The following SNX29 variants were observed in gnomAD, a reference collection of about 807,000 sequenced individuals.
The protein encoded by SNX29 is sorting nexin 29, also known as sorting nexin-29.
A neutral mutation model predicts 102.1 loss-of-function variants in SNX29; 78 were observed. The observed-to-expected ratio is 0.76, with a 90% CI of 0.64 to 0.92. The LOEUF (loss-of-function observed/expected upper bound fraction) is 0.92, where lower values mean the gene tolerates loss of function less well. Among genes scored for constraint, SNX29 ranks in the 40% least tolerant of loss-of-function variants. The probability of loss-of-function intolerance (pLI) is 0.00; values close to 1 mark genes in which losing one functional copy is unlikely to be tolerated. For missense variants in SNX29, 1,280 were observed against 1,061.7 expected (o/e 1.21, Z -2.86); for synonymous variants, 580 against 414.5 (o/e 1.40, Z -4.85).
intron 10 of SNX29, among the ~76,000 whole-genome samples, chr16:12,070,403 T>C (rs1281140630): frequency 2.0e-5 from 3 of 146,872 alleles, no homozygotes; most frequent in African/African-American, 5.0e-5. Flanking sequence ...GTTCAATTCC[T>C]ATCTATGAGT....
At chr16:12,132,435 G>A (rs138113815) in intron 13 of SNX29, among the ~76,000 whole-genome samples, 57 of 152,250 alleles carry the variant, frequency 3.7e-4, no homozygotes, top group Admixed American at 1.0e-3. Context: ...AGCAGTCAGC[G>A]TAGTCTTGAG....
At chr16:12,316,588 G>C (rs935748195) in intron 15 of SNX29, among the ~76,000 whole-genome samples, 2 of 152,122 alleles carry the variant, frequency 1.3e-5, no homozygotes, top group African/African-American at 4.8e-5. Flanking sequence ...TCGGGATCTT[G>C]CTCTCTCTCA....
Position 12,572,631 on chromosome 16 carries a change from C to G in SNX29, c.*4002C>G. 1.9e-6 allele frequency: 2 copies of G among 1,063,960 alleles called. No homozygotes were observed. The highest frequency in any genetic ancestry group is 2.3e-6 in the Non-Finnish European group (2 of 878,404). 65.9% of individuals were successfully genotyped at this position (1,063,960 alleles called of 1,614,324 possible). On this transcript the variant is annotated 3_prime_UTR_variant, in exon 21 of 21. Transcript: ENST00000566228. ...CCTCCGGCTACCCCCAGAATCCATC[C>G]TTCATTCCTCCACCAAGCTCCTGTG...
rs1057086001 is a variant in SNX29, at chr16:12,535,791, G to C, written c.2318+10950G>C. Among the ~76,000 whole-genome samples the C allele has an allele frequency of 4.0e-5, 6 of 151,870 alleles. No individual in the cohort carries two copies. The South Asian group carries it at 1.2e-3, about 31-fold the overall frequency. On this transcript the variant is annotated intron_variant, in intron 20 of 20. Coordinates refer to ENST00000566228, the MANE Select transcript of SNX29 (RefSeq NM_032167.5). ...CTCTGGAGGTCCTCAGAGTATAGAG[G>C]CCGCAGCCACTGTGTAAGCCTTGCC...
intron 19 of SNX29, among the ~76,000 whole-genome samples, chr16:12,496,909 A>G (rs1252202716): frequency 6.6e-6 from 1 of 152,062 alleles, no homozygotes; most frequent in East Asian, 1.9e-4. Context: ...GCAAAGCTGC[A>G]GAAGCATGGG....
chr16:12,016,304 T>A (rs2056847534), intron 3 of SNX29, among the ~76,000 whole-genome samples: 1 of 152,260 alleles, frequency 6.6e-6, no homozygotes, highest in Admixed American at 6.5e-5. Context: ...CATCATTTTT[T>A]TTTTAATATA....
intron 15 of SNX29, among the ~76,000 whole-genome samples, chr16:12,342,768 C>T (rs568678713): frequency 6.6e-6 from 1 of 152,314 alleles, no homozygotes; most frequent in East Asian, 1.9e-4. Flanking sequence ...CAGACTGGGA[C>T]AGAATCCTGG....
chr16:12,088,146 A>G (rs1454799164), intron 11 of SNX29: 3 of 456,454 alleles, frequency 6.6e-6, no homozygotes, highest in Non-Finnish European at 1.3e-5. Flanking sequence ...CAGTCTCTGC[A>G]GCAGGCCTCA....
intron 14 of SNX29, among the ~76,000 whole-genome samples, chr16:12,276,302 G>A (rs1800892815): frequency 6.6e-6 from 1 of 152,104 alleles, no homozygotes; most frequent in Non-Finnish European, 1.5e-5. Flanking sequence ...AACTGTTTGG[G>A]GTTATCTGTT....
intron 4 of SNX29, among the ~76,000 whole-genome samples, chr16:12,034,942 C>T (rs1430858774): frequency 6.6e-6 from 1 of 151,748 alleles, no homozygotes; most frequent in Non-Finnish European, 1.5e-5. Flanking sequence ...ATCCAGGAGG[C>T]GGAGGATTCA....
chr16:12,358,978 T>C (rs1803654592), intron 16 of SNX29, among the ~76,000 whole-genome samples: 1 of 152,226 alleles, frequency 6.6e-6, no homozygotes. Context: ...AGAAAATGTG[T>C]TTCTCTGAGT....
chr16:12,117,786 T>C (rs1464327763), intron 11 of SNX29, among the ~76,000 whole-genome samples: 2 of 152,172 alleles, frequency 1.3e-5, no homozygotes, highest in African/African-American at 2.4e-5. Context: ...CGTACCTCAG[T>C]ACATGATTTT....
At chr16:12,554,343 G>A (rs1286005751) in intron 20 of SNX29, among the ~76,000 whole-genome samples, 1 of 150,738 alleles carries the variant, frequency 6.6e-6, no homozygotes, top group African/African-American at 2.5e-5. Flanking sequence ...CTTTTGTTCT[G>A]TAGCTTTTCC....
Position 12,562,936 on chromosome 16 carries a change from A to G in SNX29, c.2319-5570A>G, listed in dbSNP as rs1008585210. Among the ~76,000 whole-genome samples the G allele has an allele frequency of 8.5e-5, 13 of 152,296 alleles. No individual in the cohort carries two copies. In the South Asian group the frequency reaches 1.0e-3, roughly 12 times the overall value. On this transcript the variant is annotated intron_variant, in intron 20 of 20. Coordinates refer to ENST00000566228, the MANE Select transcript of SNX29 (RefSeq NM_032167.5). Reference sequence around the variant, plus strand: ...TTCGTCCATGTTGCCAAAAACCTGCATAGTAAGAAGCAAACATTCACCCAA... The same window carrying G: ...TTCGTCCATGTTGCCAAAAACCTGCGTAGTAAGAAGCAAACATTCACCCAA...
At chr16:12,219,753 G>A in intron 14 of SNX29, among the ~76,000 whole-genome samples, 1 of 152,226 alleles carries the variant, frequency 6.6e-6, no homozygotes, top group East Asian at 1.9e-4. Flanking sequence ...ATTGTCCTGT[G>A]GTTTTTGTGT....
chr16:12,547,542 G>C (rs1041084848), intron 20 of SNX29, among the ~76,000 whole-genome samples: 1 of 152,126 alleles, frequency 6.6e-6, no homozygotes, highest in Non-Finnish European at 1.5e-5. Flanking sequence ...TGGAAGAACA[G>C]AGTCCTGAGC....
At position 12,392,325 on chromosome 16, in the gene SNX29, T is replaced by C. The variant is rs78043576; in HGVS notation, c.1900-6121T>C. ...CAACAAATGTCTTTGTATCCTTGTC[T>C]CTGTGCTTATGTTGTCCATCACTCT... On this transcript the variant is annotated intron_variant, in intron 16 of 20. Coordinates refer to ENST00000566228, the MANE Select transcript of SNX29 (RefSeq NM_032167.5). Among the ~76,000 whole-genome samples the C allele has an allele frequency of 9.8e-3, 1,496 of 152,352 alleles. 25 individuals are homozygous for C. The highest frequency in any genetic ancestry group is 0.034 in the African/African-American group (1,408 of 41,576).
chr16:12,525,364 A>G (rs2076751044), intron 20 of SNX29, among the ~76,000 whole-genome samples: 1 of 152,130 alleles, frequency 6.6e-6, no homozygotes, highest in African/African-American at 2.4e-5. Flanking sequence ...TTTACATATT[A>G]TGCACTTAGA....
At chr16:12,448,176 A>G (rs1048847548) in intron 18 of SNX29, among the ~76,000 whole-genome samples, 1 of 152,236 alleles carries the variant, frequency 6.6e-6, no homozygotes, top group African/African-American at 2.4e-5. Flanking sequence ...AAGGACACAT[A>G]GCTTGTAAGT....
Sources: allele counts gnomAD v4.1 joint callset (sites outside exome capture counted in the v4.1 genomes callset), GRCh38; gene constraint gnomAD v4.1.1; transcripts MANE v1.5; gene names NCBI Gene and HGNC (gene_info 2026-07-23, HGNC 2026-07-21).